TXNDC16: variants seen among roughly 807,000 people sequenced by gnomAD.
TXNDC16 encodes thioredoxin domain-containing protein 16.
In TXNDC16, 74 loss-of-function variants were observed where a neutral mutation model predicts 85.6. The ratio of observed to expected loss-of-function variants is 0.86; its 90% CI spans 0.72 to 1.05. The LOEUF (loss-of-function observed/expected upper bound fraction) is 1.05. Ranked by LOEUF, TXNDC16 falls within the 50% of genes least tolerant of loss-of-function variation. The pLI, the probability that TXNDC16 is intolerant of heterozygous loss-of-function variation, is 0.00. For missense variants in TXNDC16, 959 were observed against 947.0 expected (o/e 1.01, Z -0.17); for synonymous variants, 335 against 326.5 (o/e 1.03, Z -0.28).
At chr14:52,503,295 C>A (rs557228032) in intron 9 of TXNDC16, among the ~76,000 whole-genome samples, 109 of 152,358 alleles carry the variant, frequency 7.2e-4, no homozygotes, top group African/African-American at 2.6e-3. Context: ...TCCCTGACCC[C>A]CAAGTAGCCT....
chr14:52,546,493 T>C (rs1409958396), intron 1 of TXNDC16, among the ~76,000 whole-genome samples: 3 of 152,170 alleles, frequency 2.0e-5, no homozygotes. Context: ...CCAGATGACT[T>C]ACTGTGGCCA....
intron 14 of TXNDC16, among the ~76,000 whole-genome samples, chr14:52,476,382 A>C (rs1036886364): frequency 4.6e-5 from 7 of 152,206 alleles, no homozygotes; most frequent in African/African-American, 1.7e-4. Context: ...TTATTAAGCT[A>C]ATCAGGGAGG....
chr14:52,524,441 T>C (rs1363271739), intron 6 of TXNDC16, among the ~76,000 whole-genome samples: 3 of 152,216 alleles, frequency 2.0e-5, no homozygotes, highest in African/African-American at 7.2e-5. Context: ...TGTTTCTTAC[T>C]GGATTATCTT....
intron 6 of TXNDC16, among the ~76,000 whole-genome samples, chr14:52,530,298 A>AATAT (rs1566582045): frequency 5.8e-5 from 3 of 52,042 alleles, no homozygotes; most frequent in South Asian, 8.8e-4. Context: ...TATTATATAT[A>AATAT]ATATTAATAT....
intron 8 of TXNDC16, among the ~76,000 whole-genome samples, chr14:52,512,835 A>G (rs1406697356): frequency 5.3e-5 from 8 of 152,170 alleles, no homozygotes; most frequent in Non-Finnish European, 7.4e-5. Flanking sequence ...TCAATCTGGG[A>G]AGACACCTTT....
intron 4 of TXNDC16, 26 bp downstream of exon 4, chr14:52,542,345 T>C: frequency 2.0e-6 from 3 of 1,502,610 alleles, no homozygotes; most frequent in African/African-American, 2.8e-5. Flanking sequence ...GTCACTAATA[T>C]TTTAGTAACA....
At chr14:52,529,516 AT>A (rs1199616547) in intron 6 of TXNDC16, among the ~76,000 whole-genome samples, 1 of 100,258 alleles carries the variant, frequency 1.0e-5, no homozygotes, top group Non-Finnish European at 1.9e-5. Flanking sequence ...TATAATGCCT[AT>A]TATATATATT....
In TXNDC16 at chr14:52,432,256, T is replaced by G. The variant is rs1308143898; in HGVS notation, c.*48A>C. 1 of 1,502,306 alleles carries G rather than the reference T, an allele frequency of 6.7e-7. No homozygotes were observed. The allele number at this position is 1,502,306 out of a possible 1,614,324, so 93.1% of individuals were successfully genotyped here. A position where few individuals can be genotyped will look rare whatever the true frequency, so the allele number is the denominator to read the frequency against. Reference sequence around the variant, plus strand: ...TAATATTATTCTTTAAGGAAATAAATTAAGTCTATCATGCCAAAAAAATTT... The same window carrying G: ...TAATATTATTCTTTAAGGAAATAAAGTAAGTCTATCATGCCAAAAAAATTT... On this transcript the variant is annotated 3_prime_UTR_variant, in exon 21 of 21. Transcript: ENST00000281741.
rs1594693601 is a variant in TXNDC16 at position 52,457,028 on chromosome 14, A to G, written c.1703+62T>C. ...ATCAGCTGTGTAAATATAAGCAATT[A>G]TTAGATAACATTATTTTGCATAATT... is the stretch of plus-strand genomic sequence containing the variant. On this transcript the variant is annotated intron_variant, in intron 17 of 20. Transcript: ENST00000281741. 3 of 1,143,860 alleles carry G rather than the reference A, an allele frequency of 2.6e-6. No homozygotes were observed. The East Asian group carries it at 7.8e-5, about 30-fold the overall frequency. The allele number at this position is 1,143,860 out of a possible 1,614,324, so 70.9% of individuals were successfully genotyped here.
intron 17 of TXNDC16, 32 bp from the exon 18 acceptor site, chr14:52,455,494 T>A (rs773658352): frequency 6.2e-7 from 1 of 1,611,308 alleles, no homozygotes; most frequent in African/African-American, 1.3e-5. Context: ...AAATTCACGA[T>A]CAAAATCTAG....
intron 6 of TXNDC16, among the ~76,000 whole-genome samples, chr14:52,533,665 C>A (rs972857231): frequency 2.0e-5 from 3 of 152,162 alleles, no homozygotes; most frequent in African/African-American, 7.2e-5. Flanking sequence ...GCTGGCTCAA[C>A]AATGTTAAAT....
At chr14:52,487,418 T>C (rs2036295667) in intron 12 of TXNDC16, among the ~76,000 whole-genome samples, 1 of 152,192 alleles carries the variant, frequency 6.6e-6, no homozygotes, top group Admixed American at 6.5e-5. Context: ...AATGGTACTA[T>C]ATAAAACATT....
intron 3 of TXNDC16, 101 bp downstream of exon 3, chr14:52,543,297 G>A: frequency 7.9e-7 from 1 of 1,272,058 alleles, no homozygotes; most frequent in Non-Finnish European, 1.1e-6. Context: ...CAGCTATATA[G>A]CACATATTAT....
chr14:52,489,739 C>A (rs1176270633), intron 11 of TXNDC16, among the ~76,000 whole-genome samples: 1 of 152,202 alleles, frequency 6.6e-6, no homozygotes, highest in Non-Finnish European at 1.5e-5. Flanking sequence ...ATCATCAGCA[C>A]AACCAGTGGC....
rs199873662 is a variant in TXNDC16, at chr14:52,455,466, T to C, written c.1704-4A>G. 304 of 1,613,586 alleles carry C rather than the reference T, an allele frequency of 1.9e-4. No homozygotes were observed. The highest frequency in any genetic ancestry group is 1.3e-3 in the Middle Eastern group (8 of 6,060). On this transcript the variant is annotated splice_region_variant and splice_polypyrimidine_tract_variant and intron_variant, in intron 17 of 20. Coordinates refer to ENST00000281741, the MANE Select transcript of TXNDC16 (RefSeq NM_020784.3). ...ACTTGCAGCATATTTGGTTGACCTA[T>C]GGAGAAAGGCAGTATTAAAATTCAC...
chr14:52,543,492 C>A lies in TXNDC16; in HGVS notation c.66G>T (p.Met22Ile). 1 of 1,613,512 alleles carries A rather than the reference C, an allele frequency of 6.2e-7. No homozygotes were observed. Among genetic ancestry groups the A allele is most frequent in the East Asian group, 2.2e-5 (1 of 44,800 alleles). Residue 22 changes from methionine (M) to isoleucine (I), a missense_variant, in exon 3 of 21, where the codon ATG (methionine) becomes ATT (isoleucine). Coordinates refer to ENST00000281741, the MANE Select transcript of TXNDC16 (RefSeq NM_020784.3). ...GTTCTGGTAAAGAGTTTACTGTTGG[C>A]ATGTAAAAAATGCACATTATGACAA... Reference protein sequence around the residue: ...ISFVIMCIFYMPTVNSLPELS... With the variant: ...ISFVIMCIFYIPTVNSLPELS...
Position 52,546,155 on chromosome 14 carries a change from C to T in TXNDC16, c.-181-1784G>A, listed in dbSNP as rs556955190. On this transcript the variant is annotated intron_variant, in intron 1 of 20. Coordinates refer to ENST00000281741, the MANE Select transcript of TXNDC16 (RefSeq NM_020784.3). ...GAAAAAAAATTGCCATGCATGGTGG[C>T]ACACACCTGTAGTCTCAGCTACCAG... Among the ~76,000 whole-genome samples the T allele has an allele frequency of 1.2e-4, 18 of 152,078 alleles. No homozygotes were observed. In the South Asian group the frequency reaches 3.3e-3, roughly 28 times the overall value.
At chr14:52,521,206 G>C (rs2037202130) in intron 6 of TXNDC16, among the ~76,000 whole-genome samples, 1 of 151,690 alleles carries the variant, frequency 6.6e-6, no homozygotes, top group South Asian at 2.1e-4. Context: ...TCCCCACCCT[G>C]GGTTCAAGTG....
chr14:52,532,997 A>G (rs1237309609), intron 6 of TXNDC16, among the ~76,000 whole-genome samples: 1 of 152,232 alleles, frequency 6.6e-6, no homozygotes, highest in African/African-American at 2.4e-5. Flanking sequence ...ATTTTAAACA[A>G]AAATGAGGAC....
Sources: allele counts gnomAD v4.1 joint callset (sites outside exome capture counted in the v4.1 genomes callset), GRCh38; gene constraint gnomAD v4.1.1; transcripts MANE v1.5; gene names NCBI Gene and HGNC (gene_info 2026-07-23, HGNC 2026-07-21).